Variants in ZNF529 observed in about 807,000 individuals in gnomAD.
ZNF529 encodes zinc finger protein 529.
ZNF529 carries 11 observed loss-of-function variants against 10.1 expected under a neutral mutation model. That is an observed-to-expected ratio of 1.09 (90% CI 0.69 to 1.81). The LOEUF (loss-of-function observed/expected upper bound fraction) is 1.81. Ranked by LOEUF, ZNF529 falls within the 40% of genes most tolerant of loss-of-function variation. The pLI, the probability that ZNF529 is intolerant of heterozygous loss-of-function variation, is 0.00. For missense variants in ZNF529, 624 were observed against 666.8 expected, an observed-to-expected ratio of 0.94 and a Z score of 0.71; for synonymous variants, 204 against 215.7, an observed-to-expected ratio of 0.95 and a Z score of 0.47.
At chr19:36,569,780 G>A (rs1268508061) in intron 2 of ZNF529, among the ~76,000 whole-genome samples, 1 of 151,728 alleles carries the variant, frequency 6.6e-6, no homozygotes, top group African/African-American at 2.4e-5. Context: ...AAAACAAAAA[G>A]AAAAAGAAAA....
rs751268013 is a variant in ZNF529, at chr19:36,554,657, C to G, written c.235+13G>C. 7 of 1,535,714 alleles carry G rather than the reference C, an allele frequency of 4.6e-6. No individual in the cohort carries two copies. Among genetic ancestry groups the G allele is most frequent in the Non-Finnish European group, 6.2e-6 (7 of 1,137,710 alleles). ...AGAGTATATTCTAAGTTATTTAAGG[C>G]AGATAAATTTACCCAGTGAGAGTAA... On this transcript the variant is annotated intron_variant, in intron 4 of 4. Coordinates refer to ENST00000591340, the MANE Select transcript of ZNF529 (RefSeq NM_020951.5).
chr19:36,546,588 A>G lies in ZNF529; in HGVS notation c.*278T>C. The G allele has an allele frequency of 3.1e-6, 1 of 322,896 alleles. No individual in the cohort carries two copies. Among genetic ancestry groups the G allele is most frequent in the South Asian group, 8.4e-5 (1 of 11,868 alleles). 20.0% of individuals were successfully genotyped at this position (322,896 alleles called of 1,614,324 possible). ...GAATAGTCAAAAGAGCAATAATACAAACATCAAAAGCTATTGTAAACAAAA... is the reference window on the plus strand; with the variant it reads ...GAATAGTCAAAAGAGCAATAATACAGACATCAAAAGCTATTGTAAACAAAA... On this transcript the variant is annotated 3_prime_UTR_variant, in exon 5 of 5. Transcript: ENST00000591340.
At chr19:36,561,237 C>T (rs570857485) in intron 2 of ZNF529, among the ~76,000 whole-genome samples, 7 of 152,270 alleles carry the variant, frequency 4.6e-5, no homozygotes, top group South Asian at 2.1e-4. Flanking sequence ...CCTTGGCTGC[C>T]GTAGTTGTGG....
chr19:36,594,920 C>T (rs750576525), intron 1 of ZNF529, among the ~76,000 whole-genome samples: 1 of 151,866 alleles, frequency 6.6e-6, no homozygotes, highest in South Asian at 2.1e-4. Context: ...GCTCTGTCAC[C>T]CGGGCTGGAG....
At chr19:36,575,074 T>C (rs567739804), upstream of ZNF529, among the ~76,000 whole-genome samples, 1 of 152,344 alleles carries the variant, frequency 6.6e-6, no homozygotes, top group African/African-American at 2.4e-5. Flanking sequence ...GTAGGATCCA[T>C]AGGATTGTGG....
intron 1 of ZNF529, among the ~76,000 whole-genome samples, chr19:36,599,807 A>G (rs2036895189): frequency 1.3e-5 from 2 of 152,190 alleles, no homozygotes; most frequent in Non-Finnish European, 2.9e-5. Context: ...AAAATGACAC[A>G]GAGCAGCACT....
At chr19:36,564,492 T>A (rs557587789) in intron 2 of ZNF529, among the ~76,000 whole-genome samples, 14 of 152,270 alleles carry the variant, frequency 9.2e-5, no homozygotes, top group South Asian at 4.1e-4. Flanking sequence ...CATACTTTTT[T>A]AAATGCCCCA....
chr19:36,565,575 C>A (rs2145831496), intron 2 of ZNF529, among the ~76,000 whole-genome samples: 1 of 152,174 alleles, frequency 6.6e-6, no homozygotes, highest in East Asian at 1.9e-4. Context: ...GTGGCACATG[C>A]CTATAATCCC....
chr19:36,558,811 C>T (rs796083224), intron 2 of ZNF529, among the ~76,000 whole-genome samples: 15 of 151,348 alleles, frequency 9.9e-5, no homozygotes, highest in East Asian at 5.8e-4. Flanking sequence ...AAAGCTTCTA[C>T]GAAAGAAAGG....
Position 36,545,738 on chromosome 19 carries a change from T to C in ZNF529, c.*1128A>G, listed in dbSNP as rs1490884233. 1 of 151,988 alleles carries C rather than the reference T, an allele frequency of 6.6e-6. No individual in the cohort carries two copies. Among genetic ancestry groups the C allele is most frequent in the Non-Finnish European group, 1.5e-5 (1 of 68,000 alleles). 9.4% of individuals were successfully genotyped at this position (151,988 alleles called of 1,614,324 possible). A position where few individuals can be genotyped will look rare whatever the true frequency, so the allele number is the denominator to read the frequency against. ...AATGATAATAGATTAAAAAAACAATTGAAGCCATGTTAATATATAGTTGTA... is the reference window on the plus strand; with the variant it reads ...AATGATAATAGATTAAAAAAACAATCGAAGCCATGTTAATATATAGTTGTA... On this transcript the variant is annotated 3_prime_UTR_variant, in exon 5 of 5. Coordinates refer to ENST00000591340, the MANE Select transcript of ZNF529 (RefSeq NM_020951.5).
At chr19:36,550,372 G>A (rs151199191) in intron 4 of ZNF529, among the ~76,000 whole-genome samples, 13,430 of 152,094 alleles carry the variant, frequency 0.088, 771 homozygotes, top group Non-Finnish European at 0.13. Flanking sequence ...GCGAAACCCC[G>A]TCTGTACTAA....
intron 2 of ZNF529, among the ~76,000 whole-genome samples, chr19:36,583,504 A>G (rs1465702176): frequency 6.6e-6 from 1 of 152,196 alleles, no homozygotes; most frequent in East Asian, 1.9e-4. Context: ...CTTAAAAACA[A>G]AAACAAAAAC....
chr19:36,565,906 A>G (rs947609985), intron 2 of ZNF529, among the ~76,000 whole-genome samples: 1 of 152,212 alleles, frequency 6.6e-6, no homozygotes, highest in East Asian at 1.9e-4. Context: ...AGAGGAGCAG[A>G]ACTGTATAGG....
chr19:36,563,682 T>C (rs1300643935), intron 2 of ZNF529, among the ~76,000 whole-genome samples: 1 of 152,184 alleles, frequency 6.6e-6, no homozygotes, highest in African/African-American at 2.4e-5. Flanking sequence ...ATCAATATCA[T>C]TAAAATGGCC....
chr19:36,551,480 A>G (rs1381532392), intron 4 of ZNF529, among the ~76,000 whole-genome samples: 2 of 152,232 alleles, frequency 1.3e-5, no homozygotes, highest in African/African-American at 4.8e-5. Context: ...ATACTGAACC[A>G]ATAAAATCAA....
intron 2 of ZNF529, among the ~76,000 whole-genome samples, chr19:36,571,763 A>C (rs1029732695): frequency 6.6e-6 from 1 of 151,774 alleles, no homozygotes; most frequent in African/African-American, 2.4e-5. Flanking sequence ...GCTGCTTTAG[A>C]CTCAGACACC....
At chr19:36,602,963 C>A (rs1407297685) in intron 1 of ZNF529, among the ~76,000 whole-genome samples, 4 of 149,990 alleles carry the variant, frequency 2.7e-5, no homozygotes, top group Admixed American at 1.3e-4. Context: ...CGTGATGCGG[C>A]CAAACCTCAT....
intron 2 of ZNF529, among the ~76,000 whole-genome samples, chr19:36,579,105 G>A (rs1370533301): frequency 6.6e-6 from 1 of 151,892 alleles, no homozygotes; most frequent in Non-Finnish European, 1.5e-5. Context: ...GGGAGGCTGA[G>A]GCAGAGAATT....
intron 1 of ZNF529, among the ~76,000 whole-genome samples, chr19:36,600,881 C>G (rs980107511): frequency 1.3e-5 from 2 of 152,086 alleles, no homozygotes; most frequent in African/African-American, 4.8e-5. Context: ...GATTTGTTGT[C>G]AACTATTGAA....
Sources: gnomAD v4.1 joint callset for allele counts (sites outside exome capture counted in the v4.1 genomes callset) on GRCh38, gnomAD v4.1.1 for gene constraint, MANE v1.5 for transcripts, NCBI Gene and HGNC (gene_info 2026-07-23, HGNC 2026-07-21) for gene names.